Variants in MCU observed in about 807,000 individuals in gnomAD.
MCU encodes mitochondrial calcium uniporter, also known as calcium uniporter protein, mitochondrial.
MCU carries 12 observed loss-of-function variants against 45.2 expected under a neutral mutation model. The observed-to-expected ratio is 0.27, with a 90% CI of 0.17 to 0.43. The LOEUF is 0.43. MCU is among the 20% of genes least tolerant of loss of function. The pLI is 1.00. For missense variants in MCU, 324 were observed against 436.7 expected (o/e 0.74, Z 2.30); for synonymous variants, 160 against 165.1 (o/e 0.97, Z 0.24).
chr10:72,812,442 A>G (rs1319523385), intron 1 of MCU, among the ~76,000 whole-genome samples: 4 of 152,166 alleles, frequency 2.6e-5, no homozygotes, highest in South Asian at 2.1e-4. Flanking sequence ...CACTGCGCCC[A>G]TACTCCAGAT....
chr10:72,755,775 A>G (rs1325364225), intron 1 of MCU, among the ~76,000 whole-genome samples: 1 of 152,106 alleles, frequency 6.6e-6, no homozygotes, highest in Non-Finnish European at 1.5e-5. Flanking sequence ...TGTTTTTGCC[A>G]GATAAGAGTT....
At chr10:72,768,061 TA>T (rs1460636272) in intron 1 of MCU, among the ~76,000 whole-genome samples, 2 of 151,240 alleles carry the variant, frequency 1.3e-5, no homozygotes, top group Non-Finnish European at 2.9e-5. Context: ...CCAAGGCGAA[TA>T]AAAAAGGCTC....
intron 4 of MCU, among the ~76,000 whole-genome samples, chr10:72,865,922 G>C (rs1409224308): frequency 6.6e-6 from 1 of 151,610 alleles, no homozygotes; most frequent in East Asian, 1.9e-4. Flanking sequence ...GACTACAGGC[G>C]CCTGCCACCA....
chr10:72,747,042 G>A (rs575819755), intron 1 of MCU, among the ~76,000 whole-genome samples: 1 of 152,158 alleles, frequency 6.6e-6, no homozygotes, highest in Admixed American at 6.5e-5. Context: ...AAAATATAAC[G>A]AAAAAGTTAG....
At chr10:72,882,319 A>G (rs761344969) in intron 6 of MCU, among the ~76,000 whole-genome samples, 9 of 152,218 alleles carry the variant, frequency 5.9e-5, no homozygotes, top group Non-Finnish European at 1.0e-4. Context: ...GATAACAGCA[A>G]TTGTTCAGGG....
rs532330921 is a variant in MCU, at chr10:72,820,512, A to AT, written c.151-13832dup. ...GGACTTCTTCATCAGTTTGATTAGT[A>AT]TTTTTTTTTTTTTTTCCGAAACGGA... On this transcript the variant is annotated intron_variant, in intron 1 of 7. Coordinates refer to ENST00000373053, the MANE Select transcript of MCU (RefSeq NM_138357.3). 4.3e-3 allele frequency among the ~76,000 whole-genome samples: 599 copies of AT among 139,516 alleles called. 2 individuals are homozygous for AT. The highest frequency in any genetic ancestry group is 6.2e-3 in the South Asian group (27 of 4,374). 91.5% of individuals were successfully genotyped at this position (139,516 alleles called of 152,430 possible).
chr10:72,869,699 A>G (rs2132883212), intron 5 of MCU, among the ~76,000 whole-genome samples: 1 of 152,362 alleles, frequency 6.6e-6, no homozygotes, highest in South Asian at 2.1e-4. Flanking sequence ...TATTATAAGT[A>G]ATCTAGAGAT....
intron 2 of MCU, among the ~76,000 whole-genome samples, chr10:72,851,588 C>T (rs7086166): frequency 0.034 from 5,126 of 152,108 alleles, 279 homozygotes; most frequent in African/African-American, 0.12. Context: ...TCCTCATGTG[C>T]TGAGTCCTCT....
At chr10:72,839,402 C>T in intron 2 of MCU, among the ~76,000 whole-genome samples, 1 of 152,036 alleles carries the variant, frequency 6.6e-6, no homozygotes, top group Non-Finnish European at 1.5e-5. Flanking sequence ...CCCAGGTAAC[C>T]ACTAATTTGC....
intron 1 of MCU, among the ~76,000 whole-genome samples, chr10:72,768,502 A>C (rs1342134226): frequency 6.6e-6 from 1 of 152,188 alleles, no homozygotes; most frequent in African/African-American, 2.4e-5. Flanking sequence ...CTCTTTTGTA[A>C]TATTGTGTAT....
At chr10:72,882,700 T>C (rs1420848548) in intron 6 of MCU, among the ~76,000 whole-genome samples, 1 of 152,110 alleles carries the variant, frequency 6.6e-6, no homozygotes, top group Non-Finnish European at 1.5e-5. Context: ...ATTTTAATTT[T>C]ACCCCGGTCC....
chr10:72,764,443 A>G (rs1843697696), intron 1 of MCU, among the ~76,000 whole-genome samples: 1 of 152,186 alleles, frequency 6.6e-6, no homozygotes, highest in South Asian at 2.1e-4. Context: ...TTGCATACCT[A>G]GGAATTCTAG....
rs1318276186 is a variant in MCU, at chr10:72,869,852, A to G, written c.657+989A>G. 3.3e-5 allele frequency among the ~76,000 whole-genome samples: 5 copies of G among 152,288 alleles called. No individual in the cohort carries two copies. In the South Asian group the frequency reaches 6.2e-4, roughly 19 times the overall value. Reference sequence around the variant, plus strand: ...AATTCACCACAGATACCTAGGGACAACTGTATATAGAATATTATGCAACTA... The same window carrying G: ...AATTCACCACAGATACCTAGGGACAGCTGTATATAGAATATTATGCAACTA... On this transcript the variant is annotated intron_variant, in intron 5 of 7. Transcript: ENST00000373053.
intron 1 of MCU, among the ~76,000 whole-genome samples, chr10:72,821,911 A>T (rs1188163743): frequency 6.6e-6 from 1 of 152,328 alleles, no homozygotes; most frequent in Non-Finnish European, 1.5e-5. Context: ...TATGTTCTCT[A>T]ACCACAGTGG....
chr10:72,827,197 T>A (rs976817714), intron 1 of MCU, among the ~76,000 whole-genome samples: 1 of 152,218 alleles, frequency 6.6e-6, no homozygotes, highest in Non-Finnish European at 1.5e-5. Flanking sequence ...TGCTTTGAAT[T>A]GCATAAATGA....
In MCU at chr10:72,775,191, A is replaced by T. The variant is rs542792667; in HGVS notation, c.151-59168A>T. Among the ~76,000 whole-genome samples the T allele has an allele frequency of 2.6e-5, 4 of 152,184 alleles. No individual in the cohort carries two copies. In the East Asian group the frequency reaches 7.7e-4, roughly 29 times the overall value. ...TTTTTAAAAAACAGAAATAATATCA[A>T]GTATCTTTTCTGACCACACGGAATA... On this transcript the variant is annotated intron_variant, in intron 1 of 7. Coordinates refer to ENST00000373053, the MANE Select transcript of MCU (RefSeq NM_138357.3).
At chr10:72,880,482 G>C (rs186039313) in intron 6 of MCU, among the ~76,000 whole-genome samples, 3 of 151,868 alleles carry the variant, frequency 2.0e-5, no homozygotes, top group Admixed American at 1.3e-4. Context: ...GCAAAGCGGG[G>C]GGGGGGAAAC....
chr10:72,876,925 T>A (rs543765154), intron 6 of MCU, among the ~76,000 whole-genome samples: 10 of 150,278 alleles, frequency 6.7e-5, no homozygotes, highest in African/African-American at 2.5e-4. Context: ...ATCACAGTTT[T>A]TTTTTTTTTT....
intron 1 of MCU, among the ~76,000 whole-genome samples, chr10:72,789,361 C>G (rs1030227955): frequency 3.3e-5 from 5 of 151,926 alleles, no homozygotes; most frequent in African/African-American, 1.2e-4. Context: ...GAGTGGTTGC[C>G]ATTACATATT....
Sources: gnomAD v4.1 joint callset for allele counts (sites outside exome capture counted in the v4.1 genomes callset) on GRCh38, gnomAD v4.1.1 for gene constraint, MANE v1.5 for transcripts, NCBI Gene and HGNC (gene_info 2026-07-23, HGNC 2026-07-21) for gene names.